Variants in IL1RAPL2 observed in about 807,000 individuals in gnomAD.
The protein encoded by IL1RAPL2 is X-linked interleukin-1 receptor accessory protein-like 2.
In IL1RAPL2, 3 loss-of-function variants were observed where a neutral mutation model predicts 44.1. The ratio of observed to expected loss-of-function variants is 0.07; its 90% confidence interval spans 0.03 to 0.18. The LOEUF (loss-of-function observed/expected upper bound fraction) is 0.18, where lower values mean the gene tolerates loss of function less well. Ranked by LOEUF, IL1RAPL2 falls within the 10% of genes least tolerant of loss-of-function variation. IL1RAPL2 has a pLI of 1.00. For missense variants in IL1RAPL2, 391 were observed against 496.4 expected (o/e 0.79, Z 2.02); for synonymous variants, 181 against 178.8 (o/e 1.01, Z -0.10).
Position 105,405,748 on chromosome X carries a change from T to G in IL1RAPL2, c.698-78565T>G, listed in dbSNP as rs1363260138. 11 of 984,817 alleles carry G rather than the reference T, an allele frequency of 1.1e-5. No individual in the cohort carries two copies. The African/African-American group carries it at 1.7e-4, about 15-fold the overall frequency. 81.2% of individuals were successfully genotyped at this position (984,817 alleles called of 1,213,427 possible). A position where few individuals can be genotyped will look rare whatever the true frequency, so the allele number is the denominator to read the frequency against. ...TTGTCACACAAAAGTGTGTCCTACTTCAACACTCAGCATTCAAGAAATATT... is the reference window on the plus strand; with the variant it reads ...TTGTCACACAAAAGTGTGTCCTACTGCAACACTCAGCATTCAAGAAATATT... On this transcript the variant is annotated intron_variant, in intron 5 of 10. Coordinates refer to ENST00000372582, the MANE Select transcript of IL1RAPL2 (RefSeq NM_017416.2).
chrX:105,605,854 C>A (rs868165887), intron 6 of IL1RAPL2, among the ~76,000 whole-genome samples: 2 of 111,329 alleles, frequency 1.8e-5, no homozygotes, highest in African/African-American at 3.3e-5. Flanking sequence ...TGGGGAAAGA[C>A]AGTCTCTTCA....
chrX:105,578,192 T>A (rs1276850171), intron 6 of IL1RAPL2, among the ~76,000 whole-genome samples: 1 of 110,456 alleles, frequency 9.1e-6, no homozygotes, highest in African/African-American at 3.3e-5. Context: ...GGCTGTAAGT[T>A]CTTTTGACTA....
In IL1RAPL2 at chrX:104,987,429, T is replaced by TAA. The variant is rs200944971; in HGVS notation, c.83-208030_83-208029dup. Among the ~76,000 whole-genome samples, 14 of 89,720 alleles carry TAA rather than the reference T, an allele frequency of 1.6e-4. No homozygotes were observed. In the East Asian group the frequency reaches 4.2e-3, roughly 27 times the overall value. 77.9% of individuals were successfully genotyped at this position (89,720 alleles called of 115,157 possible). On this transcript the variant is annotated intron_variant, in intron 2 of 10. Transcript: ENST00000372582. Reference sequence around the variant, plus strand: ...GGTAGTTTATAAGTTGTGTATAATGTAAAAAAAAAAAAAAAAAGACAAGGA... The same window carrying TAA: ...GGTAGTTTATAAGTTGTGTATAATGTAAAAAAAAAAAAAAAAAAAGACAAGGA...
chrX:105,184,973 G>T (rs1556133044), intron 2 of IL1RAPL2, among the ~76,000 whole-genome samples: 1 of 111,736 alleles, frequency 8.9e-6, no homozygotes, highest in African/African-American at 3.3e-5. Context: ...CTGTGTGTCA[G>T]TCCCTGTTCT....
chrX:105,688,753 C>G (rs2038007888), intron 6 of IL1RAPL2, among the ~76,000 whole-genome samples: 1 of 111,750 alleles, frequency 8.9e-6, no homozygotes, highest in Admixed American at 9.5e-5. Flanking sequence ...AAAAAAGAGC[C>G]TGCATTGCCA....
chrX:104,947,814 C>T (rs1308407517), intron 2 of IL1RAPL2, among the ~76,000 whole-genome samples: 1 of 112,245 alleles, frequency 8.9e-6, no homozygotes, highest in Non-Finnish European at 1.9e-5. Flanking sequence ...GTTTTGGTTA[C>T]TGTAGCCTTG....
At chrX:105,041,108 C>G (rs1208924356) in intron 2 of IL1RAPL2, among the ~76,000 whole-genome samples, 1 of 106,565 alleles carries the variant, frequency 9.4e-6, no homozygotes, top group African/African-American at 3.5e-5. Context: ...CAAAGAACAT[C>G]TTTATTTCTG....
At chrX:105,502,356 C>T (rs1436730567) in intron 6 of IL1RAPL2, among the ~76,000 whole-genome samples, 1 of 111,622 alleles carries the variant, frequency 9.0e-6, no homozygotes, top group Non-Finnish European at 1.9e-5. Flanking sequence ...ACTATTATGG[C>T]TACCCTCTTC....
chrX:105,663,685 A>G (rs1052982610), intron 6 of IL1RAPL2, among the ~76,000 whole-genome samples: 1 of 111,853 alleles, frequency 8.9e-6, no homozygotes, highest in Non-Finnish European at 1.9e-5. Flanking sequence ...TAATACCATG[A>G]GAACCCATAT....
chrX:105,100,520 C>A (rs1263791171), intron 2 of IL1RAPL2, among the ~76,000 whole-genome samples: 1 of 111,461 alleles, frequency 9.0e-6, no homozygotes, highest in Non-Finnish European at 1.9e-5. Flanking sequence ...TGTAATGCAG[C>A]TCATTCCCAG....
At chrX:105,024,176 A>C (rs181375513) in intron 2 of IL1RAPL2, among the ~76,000 whole-genome samples, 3 of 111,710 alleles carry the variant, frequency 2.7e-5, no homozygotes, top group East Asian at 2.8e-4. Context: ...TATGTTCTGC[A>C]TCTAACAGTT....
chrX:104,983,471 A>AATATTATATAATATTATATTAGATAC (rs2030487432), intron 2 of IL1RAPL2, among the ~76,000 whole-genome samples: 1 of 100,408 alleles, frequency 1.0e-5, no homozygotes, highest in African/African-American at 3.6e-5. Context: ...TTAGATACAT[A>AATATTATATAATATTATATTAGATAC]ATATTATATA....
chrX:104,606,836 C>T (rs748328816), intron 1 of IL1RAPL2, among the ~76,000 whole-genome samples: 1 of 111,487 alleles, frequency 9.0e-6, no homozygotes, highest in East Asian at 2.8e-4. Flanking sequence ...ATACTCATTG[C>T]TACCCCCATC....
At chrX:105,535,248 G>A (rs193010760) in intron 6 of IL1RAPL2, among the ~76,000 whole-genome samples, 3 of 111,611 alleles carry the variant, frequency 2.7e-5, no homozygotes, top group Admixed American at 9.5e-5. Context: ...TAAAGTGATC[G>A]CGAGACCCAC....
intron 2 of IL1RAPL2, among the ~76,000 whole-genome samples, chrX:104,807,693 T>C (rs1322688808): frequency 9.0e-6 from 1 of 111,346 alleles, no homozygotes; most frequent in Non-Finnish European, 1.9e-5. Flanking sequence ...TAAATAAATA[T>C]ATGTACAAAA....
intron 5 of IL1RAPL2, among the ~76,000 whole-genome samples, chrX:105,337,216 A>T (rs1188695410): frequency 8.9e-6 from 1 of 112,068 alleles, no homozygotes; most frequent in African/African-American, 3.2e-5. Context: ...GTCCTCGGAA[A>T]GCTTATAACC....
intron 6 of IL1RAPL2, among the ~76,000 whole-genome samples, chrX:105,690,157 T>C (rs2038023179): frequency 9.0e-6 from 1 of 110,805 alleles, no homozygotes; most frequent in Non-Finnish European, 1.9e-5. Flanking sequence ...ACATGGCACA[T>C]GTATACCTAT....
intron 2 of IL1RAPL2, among the ~76,000 whole-genome samples, chrX:104,702,205 TAAGTC>T (rs1931286889): frequency 8.9e-6 from 1 of 111,945 alleles, no homozygotes; most frequent in African/African-American, 3.2e-5. Context: ...TAAGTGGTCT[TAAGTC>T]ACTTCATGTA....
At chrX:104,571,201 GCTCT>G (rs1336629491) in intron 1 of IL1RAPL2, among the ~76,000 whole-genome samples, 2 of 111,759 alleles carry the variant, frequency 1.8e-5, no homozygotes, top group African/African-American at 6.5e-5. Flanking sequence ...TCTTTGATCT[GCTCT>G]CTAATTCAGT....
Sources: gnomAD v4.1 joint callset for allele counts (sites outside exome capture counted in the v4.1 genomes callset) on GRCh38, gnomAD v4.1.1 for gene constraint, MANE v1.5 for transcripts, NCBI Gene and HGNC (gene_info 2026-07-23, HGNC 2026-07-21) for gene names.